The following NAV2 variants were observed in gnomAD, a reference collection of about 807,000 sequenced individuals.
NAV2 encodes neuron navigator 2, also known as helicase, APC down-regulated 1.
A neutral mutation model predicts 223.2 loss-of-function variants in NAV2; 54 were observed. The observed-to-expected ratio is 0.24, with a 90% CI of 0.19 to 0.30. The LOEUF (loss-of-function observed/expected upper bound fraction) is 0.30, where lower values mean the gene tolerates loss of function less well. NAV2 is among the 10% of genes least tolerant of loss of function. NAV2 has a pLI of 1.00. For missense variants in NAV2, 2,806 were observed against 3,147.5 expected, an observed-to-expected ratio of 0.89 and a Z score of 2.60; for synonymous variants, 1,279 against 1,239.3, an observed-to-expected ratio of 1.03 and a Z score of -0.67.
intron 1 of NAV2, among the ~76,000 whole-genome samples, chr11:19,656,849 G>C (rs780566150): frequency 1.3e-5 from 2 of 152,222 alleles, no homozygotes; most frequent in East Asian, 1.9e-4. Context: ...TATAGATGGA[G>C]CTGGCTATGT....
intron 1 of NAV2, among the ~76,000 whole-genome samples, chr11:19,692,877 A>G (rs1329898983): frequency 6.6e-6 from 1 of 152,232 alleles, no homozygotes; most frequent in Non-Finnish European, 1.5e-5. Flanking sequence ...GATAGCATAT[A>G]CATTATACCA....
chr11:19,750,769 C>T lies in NAV2; in HGVS notation c.267+36807C>T, dbSNP rs984789440. The stretch of plus-strand genomic sequence containing the variant: ...ATAGGGTCCCAGGCTCCTCTTGGCC[C>T]TTTCCCTTTGAGAATTCATTTCTAT... On this transcript the variant is annotated intron_variant, in intron 1 of 37. Transcript: ENST00000349880. 1.1e-4 allele frequency among the ~76,000 whole-genome samples: 16 copies of T among 152,316 alleles called. 1 individual carries two copies. In the East Asian group the frequency reaches 3.1e-3, roughly 29 times the overall value.
At chr11:19,768,944 G>C (rs563379085) in intron 1 of NAV2, among the ~76,000 whole-genome samples, 4 of 152,106 alleles carry the variant, frequency 2.6e-5, no homozygotes, top group African/African-American at 7.2e-5. Flanking sequence ...CTATGAGGAG[G>C]GTATTTGGAT....
At chr11:19,786,068 G>A (rs1027839797) in intron 1 of NAV2, among the ~76,000 whole-genome samples, 3 of 152,176 alleles carry the variant, frequency 2.0e-5, no homozygotes, top group Non-Finnish European at 2.9e-5. Context: ...GGCAAAGACA[G>A]GAATTTGGAG....
intron 1 of NAV2, among the ~76,000 whole-genome samples, chr11:19,427,320 G>T (rs1163926995): frequency 6.6e-6 from 1 of 152,228 alleles, no homozygotes; most frequent in Non-Finnish European, 1.5e-5. Flanking sequence ...CGCACAGCAG[G>T]CTTGCAATTG....
intron 1 of NAV2, among the ~76,000 whole-genome samples, chr11:19,663,068 C>G (rs950589996): frequency 3.3e-5 from 5 of 151,450 alleles, no homozygotes. Flanking sequence ...TTTACTGACC[C>G]TTTCCCCCCA....
chr11:19,797,446 T>G (rs2057981603), intron 1 of NAV2, among the ~76,000 whole-genome samples: 1 of 152,220 alleles, frequency 6.6e-6, no homozygotes. Context: ...TTTCTCTCAC[T>G]TGTGGAGAGT....
At chr11:19,401,054 G>C (rs1449935740) in intron 1 of NAV2, among the ~76,000 whole-genome samples, 1 of 152,196 alleles carries the variant, frequency 6.6e-6, no homozygotes, top group Non-Finnish European at 1.5e-5. Flanking sequence ...AGAGCAGATT[G>C]TCTCCAGCCA....
intron 1 of NAV2, among the ~76,000 whole-genome samples, chr11:19,558,145 TG>T (rs1225270835): frequency 6.6e-6 from 1 of 152,216 alleles, no homozygotes; most frequent in Non-Finnish European, 1.5e-5. Context: ...AGTTTCTCCA[TG>T]GGGTTGATAT....
rs531709617 is a variant in NAV2 at position 19,973,197 on chromosome 11, T to C, written c.2646-10928T>C. Among the ~76,000 whole-genome samples, 17 of 152,306 alleles carry C rather than the reference T, an allele frequency of 1.1e-4. No homozygotes were observed. In the South Asian group the frequency reaches 3.5e-3, roughly 32 times the overall value. ...TTTCTCCCCAGTTTGGTAAAGACTTTTGTTGTTACCTGGGGGGGTCTACAT... is the reference window on the plus strand; with the variant it reads ...TTTCTCCCCAGTTTGGTAAAGACTTCTGTTGTTACCTGGGGGGGTCTACAT... On this transcript the variant is annotated intron_variant, in intron 10 of 37. Transcript: ENST00000349880.
intron 10 of NAV2, among the ~76,000 whole-genome samples, chr11:19,952,256 G>A (rs2047460865): frequency 1.3e-5 from 2 of 152,174 alleles, no homozygotes; most frequent in African/African-American, 4.8e-5. Flanking sequence ...AAATAGACTG[G>A]GATATCATAT....
rs773836305 is a variant in NAV2, at chr11:19,933,986, C to A, written c.1742C>A (p.Ala581Glu). The change falls in exon 7 of 38, where the codon GCG (alanine) becomes GAG (glutamate). Residue 581 changes from alanine (A) to glutamate (E), a missense_variant. Coordinates refer to ENST00000349880, the MANE Select transcript of NAV2 (RefSeq NM_145117.5). This position sits in a 1 kb window ranked among gnomAD's most constrained non-coding sequence, Gnocchi z 4.3. ...CCCGGGAAATCCCCAAGTGCCCCAG[C>A]GCCTTCCAAGGAAGGGGAGCGGAGC... ...SMPGKSPSAP[A>E]PSKEGERSRS... The A allele has an allele frequency of 6.3e-7, 1 of 1,597,276 alleles. No individual in the cohort carries two copies. The highest frequency in any genetic ancestry group is 1.1e-5 in the South Asian group (1 of 88,334).
At chr11:19,413,837 C>T (rs565665359) in intron 1 of NAV2, among the ~76,000 whole-genome samples, 12 of 152,166 alleles carry the variant, frequency 7.9e-5, no homozygotes, top group East Asian at 3.9e-4. Context: ...GCCTCACAAG[C>T]GAAGGAGAAA....
intron 1 of NAV2, among the ~76,000 whole-genome samples, chr11:19,395,744 T>C (rs1006771432): frequency 2.0e-5 from 3 of 152,208 alleles, no homozygotes; most frequent in African/African-American, 7.2e-5. Context: ...ACTGGGCCTC[T>C]TCCCGCCTCC....
chr11:19,500,791 A>G (rs2042940164), intron 1 of NAV2, among the ~76,000 whole-genome samples: 2 of 152,338 alleles, frequency 1.3e-5, no homozygotes, highest in South Asian at 4.1e-4. Flanking sequence ...CTGATGGGTA[A>G]GGTTGCTCAG....
At chr11:20,057,875 A>AT (rs1468663428) in intron 19 of NAV2, among the ~76,000 whole-genome samples, 1 of 152,252 alleles carries the variant, frequency 6.6e-6, no homozygotes, top group African/African-American at 2.4e-5. Flanking sequence ...AATGACATTG[A>AT]TAAAAAGTGC....
intron 10 of NAV2, among the ~76,000 whole-genome samples, chr11:19,964,915 G>A (rs1456058324): frequency 1.4e-5 from 2 of 140,898 alleles, no homozygotes; most frequent in Non-Finnish European, 3.0e-5. Flanking sequence ...TGCCTCCCGG[G>A]TTCAAGCAAT....
chr11:19,983,998 T>C (rs2050536160), intron 10 of NAV2, 127 bp from the exon 11 acceptor site: 1 of 1,234,714 alleles, frequency 8.1e-7, no homozygotes, highest in Non-Finnish European at 1.2e-6. Context: ...TGCCAGAGCC[T>C]CAGGGAATCC....
At position 19,647,705 on chromosome 11, in the gene NAV2, G is replaced by A. The variant is rs548054259; in HGVS notation, c.76-184779G>A. ...AGGTTGTGAGCCCTGGCCAAGGATG[G>A]ATGTGGAGTAGAGGGAGAAAGTCAA... On this transcript the variant is annotated intron_variant, in intron 1 of 37. Coordinates refer to the NAV2 transcript ENST00000360655. Among the ~76,000 whole-genome samples, 35 of 152,262 alleles carry A rather than the reference G, an allele frequency of 2.3e-4. No homozygotes were observed. In the South Asian group the frequency reaches 2.9e-3, roughly 13 times the overall value.
Sources: allele counts gnomAD v4.1 joint callset (sites outside exome capture counted in the v4.1 genomes callset), GRCh38; gene constraint gnomAD v4.1.1; non-coding constraint Gnocchi (gnomAD v3.1); transcripts MANE v1.5; gene names NCBI Gene and HGNC (gene_info 2026-07-23, HGNC 2026-07-21).